Variants in SUPT4H1 observed in about 807,000 individuals in gnomAD.
The protein encoded by SUPT4H1 is transcription elongation factor SPT4.
Under a neutral mutation model 19.4 loss-of-function variants are expected in SUPT4H1, and 12 were observed. The ratio of observed to expected loss-of-function variants is 0.62; its 90% CI spans 0.40 to 1.00. SUPT4H1 has a LOEUF of 1.00. Among genes scored for constraint, SUPT4H1 ranks in the 50% least tolerant of loss-of-function variants. SUPT4H1 has a pLI of 0.00. For synonymous variants in SUPT4H1, 58 were observed against 56.3 expected (o/e 1.03, Z -0.14); for missense variants, 115 against 149.2 (o/e 0.77, Z 1.19).
intron 2 of SUPT4H1, among the ~76,000 whole-genome samples, chr17:58,348,328 T>G (rs1482799755): frequency 6.6e-6 from 1 of 152,214 alleles, no homozygotes; most frequent in East Asian, 1.9e-4. Flanking sequence ...GTGTAAGCAC[T>G]GACATTTGTT....
chr17:58,351,307 T>C, intron 2 of SUPT4H1, 95 bp downstream of exon 2: 1 of 712,126 alleles, frequency 1.4e-6, no homozygotes. Context: ...AACGAATGGC[T>C]GGGCCCAACT....
At position 58,346,268 on chromosome 17, in the gene SUPT4H1, C is replaced by T. The variant is rs780566735; in HGVS notation, c.332G>A (p.Arg111Lys). ...LKSRGVAYKS[R>K]DTAIKT ...TTGCTAGGTCTTTATAGCTGTGTCTCTGGATTTGTAGGCCACTCCTCGACT... is the reference window on the plus strand; with the variant it reads ...TTGCTAGGTCTTTATAGCTGTGTCTTTGGATTTGTAGGCCACTCCTCGACT... Residue 111 changes from arginine to lysine, a missense_variant, in exon 5 of 5, where the codon AGA (arginine) becomes AAA (lysine). By Grantham distance (26) the Arg-to-Lys change is conservative. Transcript: ENST00000225504. 8 of 1,614,038 alleles carry T rather than the reference C, an allele frequency of 5.0e-6. No individual in the cohort carries two copies. In the South Asian group the frequency reaches 7.7e-5, roughly 16 times the overall value.
intron 2 of SUPT4H1, among the ~76,000 whole-genome samples, chr17:58,350,559 GGC>G (rs1972462609): frequency 6.9e-6 from 1 of 145,770 alleles, no homozygotes; most frequent in Non-Finnish European, 1.5e-5. Context: ...AAATGGGCCG[GGC>G]ATGGTGACTC....
At position 58,352,157 on chromosome 17, in the gene SUPT4H1, C is replaced by CAGGGA; in HGVS notation, c.-27_-23dup. The stretch of plus-strand genomic sequence containing the variant: ...CCATCTTCGCCGATGGGAAGAACAA[C>CAGGGA]AGGGAGATAGACGACCACAGCCTGT... On this transcript the variant is annotated 5_prime_UTR_variant, in exon 1 of 5. Coordinates refer to ENST00000225504, the MANE Select transcript of SUPT4H1 (RefSeq NM_003168.3). The CAGGGA allele has an allele frequency of 6.2e-7, 1 of 1,613,620 alleles. No homozygotes were observed. The highest frequency in any genetic ancestry group is 8.5e-7 in the Non-Finnish European group (1 of 1,179,548).
At chr17:58,352,013 C>G in intron 1 of SUPT4H1, 54 bp downstream of exon 1, 2 of 1,597,576 alleles carry the variant, frequency 1.3e-6, no homozygotes, top group Admixed American at 1.7e-5. Flanking sequence ...ATTCCGCCCT[C>G]TTTCCCCGAC....
chr17:58,345,200 T>C lies in SUPT4H1; in HGVS notation c.*1046A>G, dbSNP rs1972238983. On this transcript the variant is annotated 3_prime_UTR_variant, in exon 5 of 5. Transcript: ENST00000225504. Reference sequence around the variant, plus strand: ...AAGGAGAGCAAAAGTATTTCACCTTTATAATACTTATATAATTTTCACATA... The same window carrying C: ...AAGGAGAGCAAAAGTATTTCACCTTCATAATACTTATATAATTTTCACATA... 6.6e-6 allele frequency: 1 copy of C among 152,132 alleles called. No homozygotes were observed. The highest frequency in any genetic ancestry group is 1.5e-5 in the Non-Finnish European group (1 of 68,036). 9.4% of individuals were successfully genotyped at this position (152,132 alleles called of 1,614,324 possible).
At chr17:58,351,908 C>G (rs1055803531) in intron 1 of SUPT4H1, 159 bp downstream of exon 1, 26 of 728,450 alleles carry the variant, frequency 3.6e-5, no homozygotes, top group African/African-American at 5.3e-5. Context: ...GTCCGCGATC[C>G]TACGAGGTAA....
At chr17:58,349,839 TA>T (rs1475719685) in intron 2 of SUPT4H1, among the ~76,000 whole-genome samples, 2 of 152,108 alleles carry the variant, frequency 1.3e-5, no homozygotes. Context: ...GCCAAATTCA[TA>T]GAGACAAAGC....
chr17:58,350,290 G>A lies in SUPT4H1; in HGVS notation c.176+1112C>T, dbSNP rs577306592. ...GCACTTTGGGAGGCCGAGGCGGGTG[G>A]ATCACGAGGTCAGCAGTTCAAGACC... is the stretch of plus-strand genomic sequence containing the variant. On this transcript the variant is annotated intron_variant, in intron 2 of 4. Coordinates refer to ENST00000225504, the MANE Select transcript of SUPT4H1 (RefSeq NM_003168.3). Among the ~76,000 whole-genome samples the A allele has an allele frequency of 3.3e-5, 5 of 151,958 alleles. No individual in the cohort carries two copies. The South Asian group carries it at 1.0e-3, about 32-fold the overall frequency.
At chr17:58,347,788 G>A (rs1387760104) in intron 2 of SUPT4H1, among the ~76,000 whole-genome samples, 4 of 152,176 alleles carry the variant, frequency 2.6e-5, no homozygotes, top group Non-Finnish European at 5.9e-5. Context: ...GCCAGCCACA[G>A]GTCAGTTTCC....
At chr17:58,351,805 G>A in intron 1 of SUPT4H1, 1 of 574,314 alleles carries the variant, frequency 1.7e-6, no homozygotes, top group Non-Finnish European at 3.1e-6. Flanking sequence ...CTGACTCCCA[G>A]TGTCTTTCGG....
At position 58,345,230 on chromosome 17, in the gene SUPT4H1, C is replaced by T. The variant is rs746155938; in HGVS notation, c.*1016G>A. 6.7e-6 allele frequency: 1 copy of T among 148,760 alleles called. No individual in the cohort carries two copies. Among genetic ancestry groups the T allele is most frequent in the Non-Finnish European group, 1.5e-5 (1 of 66,230 alleles). The allele number at this position is 148,760 out of a possible 1,614,324, so 9.2% of individuals were successfully genotyped here. On this transcript the variant is annotated 3_prime_UTR_variant, in exon 5 of 5. Coordinates refer to ENST00000225504, the MANE Select transcript of SUPT4H1 (RefSeq NM_003168.3). ...TACTTATATAATTTTCACATAGCTT[C>T]GTTTCTACAATCACAACAATCCTGA... is the stretch of plus-strand genomic sequence containing the variant.
At chr17:58,347,100 A>C in intron 4 of SUPT4H1, 88 bp downstream of exon 4, 1 of 1,330,480 alleles carries the variant, frequency 7.5e-7, no homozygotes, top group Non-Finnish European at 1.1e-6. Context: ...TGAACCTCAT[A>C]GAATGTGAGA....
At position 58,347,242 on chromosome 17, in the gene SUPT4H1, C is replaced by T. The variant is rs1452768398; in HGVS notation, c.233-1G>A. On this transcript the variant is annotated splice_acceptor_variant, in intron 3 of 4. Transcript: ENST00000225504. LOFTEE classifies it high-confidence loss of function. ...GCATATACACCTGGCTTAAAGTTACCTGAGAGAGAAGAAAAAAGATACAAG... is the reference window on the plus strand; with the variant it reads ...GCATATACACCTGGCTTAAAGTTACTTGAGAGAGAAGAAAAAAGATACAAG... 6.2e-7 allele frequency: 1 copy of T among 1,614,062 alleles called. No homozygotes were observed. The highest frequency in any genetic ancestry group is 2.2e-5 in the East Asian group (1 of 44,886).
At position 58,346,021 on chromosome 17, in the gene SUPT4H1, C is replaced by T. The variant is rs771375292; in HGVS notation, c.*225G>A. ...CACGGGTAGGAAAATCAGCATCCTA[C>T]TCTCTCCTCAATTCCATCTGTTAAT... On this transcript the variant is annotated 3_prime_UTR_variant, in exon 5 of 5. Coordinates refer to ENST00000225504, the MANE Select transcript of SUPT4H1 (RefSeq NM_003168.3). The T allele has an allele frequency of 1.4e-5, 7 of 503,974 alleles. No individual in the cohort carries two copies. Among genetic ancestry groups the T allele is most frequent in the Non-Finnish European group, 2.2e-5 (6 of 277,512 alleles). 31.2% of individuals were successfully genotyped at this position (503,974 alleles called of 1,614,324 possible). A position where few individuals can be genotyped will look rare whatever the true frequency, so the allele number is the denominator to read the frequency against.
Position 58,346,219 on chromosome 17 carries a change from C to A in SUPT4H1, c.*27G>T. The A allele has an allele frequency of 1.9e-6, 3 of 1,600,880 alleles. No individual in the cohort carries two copies. The highest frequency in any genetic ancestry group is 2.6e-6 in the Non-Finnish European group (3 of 1,168,036). On this transcript the variant is annotated 3_prime_UTR_variant, in exon 5 of 5. Transcript: ENST00000225504. Reference sequence around the variant, plus strand: ...ATAAGCAGAGGCAGGAGGTGGAGAGCAAAGATGCTGGCAGCCTTGCATCTT... The same window carrying A: ...ATAAGCAGAGGCAGGAGGTGGAGAGAAAAGATGCTGGCAGCCTTGCATCTT...
intron 2 of SUPT4H1, among the ~76,000 whole-genome samples, chr17:58,348,667 C>T (rs1972382456): frequency 6.6e-6 from 1 of 152,150 alleles, no homozygotes; most frequent in South Asian, 2.1e-4. Flanking sequence ...CCTGGTTTTT[C>T]CCATCCTAAG....
At chr17:58,351,960 G>A in intron 1 of SUPT4H1, 107 bp downstream of exon 1, 1 of 1,210,352 alleles carries the variant, frequency 8.3e-7, no homozygotes, top group Non-Finnish European at 1.2e-6. Flanking sequence ...TGCCACCTCT[G>A]AGTTCTGAGA....
intron 1 of SUPT4H1, 199 bp downstream of exon 1, chr17:58,351,868 A>G (rs1598118454): frequency 3.3e-6 from 2 of 610,868 alleles, no homozygotes; most frequent in East Asian, 5.6e-5. Flanking sequence ...AAGGCATGTA[A>G]GACCGCCCCT....
Sources: gnomAD v4.1 joint callset for allele counts (sites outside exome capture counted in the v4.1 genomes callset) on GRCh38, gnomAD v4.1.1 for gene constraint, MANE v1.5 for transcripts, NCBI Gene and HGNC (gene_info 2026-07-23, HGNC 2026-07-21) for gene names.